TENM2: variants seen among roughly 807,000 people sequenced by gnomAD.
The protein encoded by TENM2 is teneurin-2.
Under a neutral mutation model 245.2 loss-of-function variants are expected in TENM2, and 52 were observed. That is an observed-to-expected ratio of 0.21 (90% CI 0.17 to 0.27). TENM2 has a LOEUF of 0.27. Ranked by LOEUF, TENM2 falls within the 10% of genes least tolerant of loss-of-function variation. The probability of loss-of-function intolerance (pLI) is 1.00; values close to 1 mark genes in which losing one functional copy is unlikely to be tolerated. For synonymous variants in TENM2, 1,363 were observed against 1,438.9 expected (o/e 0.95, Z 1.19); for missense variants, 3,046 against 3,666.8 (o/e 0.83, Z 4.37).
the TENM2 span, among the ~76,000 whole-genome samples, chr5:167,035,085 A>G: frequency 5.3e-5 from 8 of 152,324 alleles, no homozygotes; most frequent in South Asian, 1.7e-3. Context: ...TAACAATTTA[A>G]TTTTGCTTTT....
intron 1 of TENM2, among the ~76,000 whole-genome samples, chr5:167,292,293 TTG>T (rs903767484): frequency 6.6e-6 from 1 of 152,220 alleles, no homozygotes; most frequent in Admixed American, 6.5e-5. Context: ...GGAAATTTAA[TTG>T]TCTTTCCCTC....
At chr5:167,350,062 TAGTC>T (rs1221536286) in intron 1 of TENM2, among the ~76,000 whole-genome samples, 11 of 152,176 alleles carry the variant, frequency 7.2e-5, no homozygotes, top group African/African-American at 2.2e-4. Context: ...CAGATTTTAA[TAGTC>T]AGTTGTCAAC....
intron 6 of TENM2, among the ~76,000 whole-genome samples, chr5:168,050,278 G>A (rs1436154273): frequency 6.6e-6 from 1 of 152,148 alleles, no homozygotes; most frequent in Non-Finnish European, 1.5e-5. Context: ...TGACTAAAAT[G>A]TTTTCAGTTC....
chr5:167,860,663 T>C (rs1771705334), intron 2 of TENM2, among the ~76,000 whole-genome samples: 2 of 41,480 alleles, frequency 4.8e-5, no homozygotes, highest in Non-Finnish European at 8.9e-5. Flanking sequence ...TAGAAAGAAG[T>C]AGACATGGGA....
At position 167,378,040 on chromosome 5, in the gene TENM2, GGTT is replaced by G. The variant is rs1388902181; in HGVS notation, c.502+2568_502+2570del. Among the ~76,000 whole-genome samples, 18 of 151,740 alleles carry G rather than the reference GGTT, an allele frequency of 1.2e-4. No individual in the cohort carries two copies. The East Asian group carries it at 3.3e-3, about 28-fold the overall frequency. Reference sequence around the variant, plus strand: ...GTCAGAAAATGAATCTTTTCTGTGGGGTTCCATATGTTTTAATTTCATTTCTTG... The same window carrying G: ...GTCAGAAAATGAATCTTTTCTGTGGGCCATATGTTTTAATTTCATTTCTTG... On this transcript the variant is annotated intron_variant, in intron 2 of 28. Coordinates refer to ENST00000518659, the Ensembl canonical transcript of TENM2.
chr5:167,454,788 T>G (rs1421543994), intron 2 of TENM2, among the ~76,000 whole-genome samples: 3 of 152,338 alleles, frequency 2.0e-5, no homozygotes, highest in East Asian at 1.9e-4. Context: ...CAGGGACTCC[T>G]ACGGGCTTGG....
At chr5:167,801,152 ATG>A (rs568213432) in intron 2 of TENM2, among the ~76,000 whole-genome samples, 1,343 of 82,900 alleles carry the variant, frequency 0.016, 32 homozygotes, top group East Asian at 0.034. Context: ...ATATATATAT[ATG>A]TATATATTCC....
chr5:167,123,249 G>A, the TENM2 span, among the ~76,000 whole-genome samples: 2 of 152,182 alleles, frequency 1.3e-5, no homozygotes, highest in South Asian at 2.1e-4. Context: ...CAGAGGCAGC[G>A]GCAGAGGTTG....
chr5:167,010,745 C>G, the TENM2 span, among the ~76,000 whole-genome samples: 1 of 152,026 alleles, frequency 6.6e-6, no homozygotes, highest in East Asian at 1.9e-4. Flanking sequence ...AATTTTAATT[C>G]TATTTTTTGT....
chr5:167,019,712 C>T, the TENM2 span, among the ~76,000 whole-genome samples: 23 of 152,010 alleles, frequency 1.5e-4, no homozygotes, highest in Admixed American at 1.0e-3. Flanking sequence ...TCAAGTGATC[C>T]GCTCGCCTCA....
intron 1 of TENM2, among the ~76,000 whole-genome samples, chr5:167,342,572 C>T (rs896961812): frequency 2.5e-5 from 3 of 118,832 alleles, no homozygotes; most frequent in African/African-American, 9.8e-5. Context: ...CCAGGCCGGA[C>T]TGCGGACTGC....
the TENM2 span, among the ~76,000 whole-genome samples, chr5:167,199,307 C>T: frequency 6.6e-6 from 1 of 152,004 alleles, no homozygotes; most frequent in Non-Finnish European, 1.5e-5. Flanking sequence ...TAATATGTTT[C>T]TGCTCTAACC....
At chr5:167,626,812 C>T (rs1416839773) in intron 2 of TENM2, among the ~76,000 whole-genome samples, 3 of 152,144 alleles carry the variant, frequency 2.0e-5, no homozygotes, top group African/African-American at 7.2e-5. Context: ...AGGCACTTTC[C>T]CACACCAGCC....
chr5:167,840,778 T>C (rs903098309), intron 2 of TENM2, among the ~76,000 whole-genome samples: 4 of 152,088 alleles, frequency 2.6e-5, no homozygotes, highest in Admixed American at 6.5e-5. Flanking sequence ...AGCGTGGCAG[T>C]AAAGATCACA....
At chr5:167,766,740 G>A (rs916721875) in intron 2 of TENM2, among the ~76,000 whole-genome samples, 1 of 151,978 alleles carries the variant, frequency 6.6e-6, no homozygotes, top group South Asian at 2.1e-4. Context: ...TTAACTGGGT[G>A]TTGTGATGCA....
chr5:168,166,428 A>T (rs11745853), intron 13 of TENM2, among the ~76,000 whole-genome samples: 2 of 152,240 alleles, frequency 1.3e-5, no homozygotes, highest in South Asian at 4.1e-4. Context: ...TAACAGATAG[A>T]GATATTTGAA....
At chr5:167,164,166 A>G in the TENM2 span, among the ~76,000 whole-genome samples, 1 of 152,226 alleles carries the variant, frequency 6.6e-6, no homozygotes, top group African/African-American at 2.4e-5. Flanking sequence ...GCAGGAACAA[A>G]AAGGCACAAA....
At chr5:167,509,083 A>G (rs1350890344) in intron 2 of TENM2, among the ~76,000 whole-genome samples, 1 of 152,130 alleles carries the variant, frequency 6.6e-6, no homozygotes, top group Non-Finnish European at 1.5e-5. Context: ...CTCCAAAAGT[A>G]CTGGGATTGT....
intron 2 of TENM2, among the ~76,000 whole-genome samples, chr5:167,796,158 T>G (rs1765301394): frequency 1.3e-5 from 2 of 152,220 alleles, no homozygotes; most frequent in East Asian, 3.9e-4. Context: ...TCTCCTCCTC[T>G]GGCACCATGG....
Sources: allele counts gnomAD v4.1 joint callset (sites outside exome capture counted in the v4.1 genomes callset), GRCh38; gene constraint gnomAD v4.1.1; transcripts MANE v1.5; gene names NCBI Gene and HGNC (gene_info 2026-07-23, HGNC 2026-07-21).